Variants in CUL3 observed in about 807,000 individuals in gnomAD.
CUL3 encodes cullin-3.
A neutral mutation model predicts 89.1 loss-of-function variants in CUL3; 19 were observed. The observed-to-expected ratio is 0.21, with a 90% CI of 0.15 to 0.31. The LOEUF is 0.31. CUL3 is among the 10% of genes least tolerant of loss of function. CUL3 has a pLI of 1.00. For synonymous variants in CUL3, 351 were observed against 308.4 expected (o/e 1.14, Z -1.45); for missense variants, 469 against 942.3 (o/e 0.50, Z 6.58).
chr2:224,485,889 T>C lies in CUL3; in HGVS notation c.1843-3811A>G, dbSNP rs1467567900. Among the ~76,000 whole-genome samples the C allele has an allele frequency of 6.6e-6, 1 of 152,204 alleles. No homozygotes were observed. The highest frequency in any genetic ancestry group is 2.4e-5 in the African/African-American group (1 of 41,454). The stretch of plus-strand genomic sequence containing the variant: ...GGCTGGCATCTGGCAGGTGCCCCTC[T>C]GGGACAAAGCTTCCAGAGGAAGGAG... On this transcript the variant is annotated intron_variant, in intron 13 of 15. Coordinates refer to ENST00000264414, the MANE Select transcript of CUL3 (RefSeq NM_003590.5). This position sits in a 1 kb window ranked among gnomAD's most constrained non-coding sequence, Gnocchi z 4.1.
chr2:224,557,956 TTA>T (rs1694776157), intron 1 of CUL3, 100 bp from the exon 2 acceptor site: 2 of 665,464 alleles, frequency 3.0e-6, no homozygotes. Context: ...AAATATTGTA[TTA>T]TATAGATATG....
intron 1 of CUL3, among the ~76,000 whole-genome samples, chr2:224,566,020 A>G (rs1402001310): frequency 6.6e-6 from 1 of 152,122 alleles, no homozygotes; most frequent in African/African-American, 2.4e-5. Context: ...TCTTTTCCAT[A>G]GATTACTACT....
In CUL3 at chr2:224,483,591, T is replaced by C. The variant is rs559116578; in HGVS notation, c.1843-1513A>G. ...AGCAATGTTTTCCTATTCATCTATA[T>C]ATACACATGAATACAAGTATATGCA... On this transcript the variant is annotated intron_variant, in intron 13 of 15. Coordinates refer to ENST00000264414, the MANE Select transcript of CUL3 (RefSeq NM_003590.5). Among the ~76,000 whole-genome samples the C allele has an allele frequency of 3.9e-5, 6 of 152,224 alleles. No homozygotes were observed. The South Asian group carries it at 1.2e-3, about 32-fold the overall frequency.
chr2:224,557,567 TAA>T, intron 2 of CUL3, 90 bp downstream of exon 2: 1 of 864,030 alleles, frequency 1.2e-6, no homozygotes. Context: ...CTGGCACCTT[TAA>T]AAAGAACACT....
At chr2:224,576,512 C>T (rs1011182342) in intron 1 of CUL3, among the ~76,000 whole-genome samples, 1 of 152,134 alleles carries the variant, frequency 6.6e-6, no homozygotes, top group African/African-American at 2.4e-5. Flanking sequence ...GCATCATTTG[C>T]GCTGACTCAC....
At chr2:224,481,760 T>C in intron 14 of CUL3, 132 bp downstream of exon 14, 1 of 546,972 alleles carries the variant, frequency 1.8e-6, no homozygotes, top group Non-Finnish European at 2.9e-6. Flanking sequence ...TAAAAGCTGC[T>C]TTCTTTCTTA....
intron 1 of CUL3, among the ~76,000 whole-genome samples, chr2:224,559,371 T>C (rs1218319881): frequency 6.6e-6 from 1 of 150,784 alleles, no homozygotes; most frequent in African/African-American, 2.4e-5. Flanking sequence ...GGAGAATCAC[T>C]TGAGCCCGGA....
At position 224,584,866 on chromosome 2, in the gene CUL3, G is replaced by T. The variant is rs944791636; in HGVS notation, c.66+78C>A. On this transcript the variant is annotated intron_variant, in intron 1 of 15. Transcript: ENST00000264414. ...AGGCCGGGCCTGCGGCCTGTTGGGG[G>T]ACTTCAGCCCGGGCCTCGCGTGCGG... 2.5e-4 allele frequency: 282 copies of T among 1,133,956 alleles called. 3 individuals carry two copies. Among genetic ancestry groups the T allele is most frequent in the Middle Eastern group, 6.5e-4 (2 of 3,080 alleles). The allele number at this position is 1,133,956 out of a possible 1,614,324, so 70.2% of individuals were successfully genotyped here.
Position 224,471,979 on chromosome 2 carries a change from G to C in CUL3, c.*2266C>G, listed in dbSNP as rs528431659. ...AAAACTGAGAAAAAATAGCATCTGT[G>C]ACCTCTTGCTAAAAAGAAAGCAATG... On this transcript the variant is annotated 3_prime_UTR_variant, in exon 16 of 16. Transcript: ENST00000264414. 8.7e-6 allele frequency: 2 copies of C among 230,988 alleles called. No individual in the cohort carries two copies. Among genetic ancestry groups the C allele is most frequent in the Admixed American group, 5.6e-5 (1 of 17,710 alleles). 14.3% of individuals were successfully genotyped at this position (230,988 alleles called of 1,614,324 possible). A position where few individuals can be genotyped will look rare whatever the true frequency, so the allele number is the denominator to read the frequency against.
At chr2:224,501,950 C>T (rs977066903) in intron 10 of CUL3, among the ~76,000 whole-genome samples, 5 of 152,142 alleles carry the variant, frequency 3.3e-5, no homozygotes, top group African/African-American at 1.2e-4. Flanking sequence ...AATTCCTAAA[C>T]AATCTAAAAA....
Position 224,503,645 on chromosome 2 carries a change from A to C in CUL3, c.1377+7T>G, listed in dbSNP as rs763414682. Reference sequence around the variant, plus strand: ...GTGCACTCTATTTCATCTAAAACACACCTTACCTTTAACTTAGATATCATG... The same window carrying C: ...GTGCACTCTATTTCATCTAAAACACCCCTTACCTTTAACTTAGATATCATG... On this transcript the variant is annotated splice_region_variant and intron_variant, in intron 9 of 15. Coordinates refer to ENST00000264414, the MANE Select transcript of CUL3 (RefSeq NM_003590.5). The C allele has an allele frequency of 3.3e-5, 52 of 1,570,364 alleles. No individual in the cohort carries two copies. Among genetic ancestry groups the C allele is most frequent in the Non-Finnish European group, 4.0e-5 (47 of 1,162,106 alleles).
chr2:224,581,445 T>C (rs1436436084), intron 1 of CUL3, among the ~76,000 whole-genome samples: 2 of 151,558 alleles, frequency 1.3e-5, no homozygotes, highest in East Asian at 1.9e-4. Flanking sequence ...GTAGTAATCA[T>C]GTCAGAATGT....
rs117093297 is a variant in CUL3, at chr2:224,584,605, G to A, written c.66+339C>T. 3.7e-3 allele frequency among the ~76,000 whole-genome samples: 563 copies of A among 151,984 alleles called. 24 individuals carry two copies. In the East Asian group the frequency reaches 0.09, roughly 24 times the overall value. The stretch of plus-strand genomic sequence containing the variant: ...GGAGGACTCCGCGGCTGCTAGCAGC[G>A]CCGGAGACTGGGCCTACAACCCCGG... On this transcript the variant is annotated intron_variant, in intron 1 of 15. Coordinates refer to ENST00000264414, the MANE Select transcript of CUL3 (RefSeq NM_003590.5).
intron 1 of CUL3, among the ~76,000 whole-genome samples, chr2:224,579,701 G>T (rs1269185686): frequency 6.6e-6 from 1 of 152,170 alleles, no homozygotes; most frequent in Non-Finnish European, 1.5e-5. Context: ...TTCTCCTGAT[G>T]AGTTAGCAAG....
chr2:224,519,376 G>C (rs1403024739), intron 3 of CUL3, among the ~76,000 whole-genome samples: 1 of 152,018 alleles, frequency 6.6e-6, no homozygotes, highest in Non-Finnish European at 1.5e-5. Flanking sequence ...CAAGCATTTC[G>C]GGTAAGAGAC....
chr2:224,481,083 C>CT (rs1420616433), intron 14 of CUL3, among the ~76,000 whole-genome samples: 1 of 152,084 alleles, frequency 6.6e-6, no homozygotes, highest in Non-Finnish European at 1.5e-5. Flanking sequence ...TTTAACATTA[C>CT]TTTTAAAAAG....
chr2:224,518,683 A>G (rs1403822397), intron 3 of CUL3, among the ~76,000 whole-genome samples: 1 of 152,196 alleles, frequency 6.6e-6, no homozygotes, highest in Admixed American at 6.5e-5. Flanking sequence ...TGTGGCCCTC[A>G]GTAAAACAAA....
At chr2:224,541,596 C>G (rs1694107215) in intron 2 of CUL3, among the ~76,000 whole-genome samples, 1 of 152,176 alleles carries the variant, frequency 6.6e-6, no homozygotes, top group African/African-American at 2.4e-5. Context: ...AACTTACATT[C>G]ACACAAAAAT....
intron 13 of CUL3, among the ~76,000 whole-genome samples, chr2:224,488,453 A>C (rs1215053212): frequency 6.6e-6 from 1 of 152,216 alleles, no homozygotes; most frequent in Non-Finnish European, 1.5e-5. Flanking sequence ...GATCCCACAG[A>C]AATACAAACT....
Sources: gnomAD v4.1 joint callset for allele counts (sites outside exome capture counted in the v4.1 genomes callset) on GRCh38, gnomAD v4.1.1 for gene constraint, Gnocchi (gnomAD v3.1) non-coding constraint, MANE v1.5 for transcripts, NCBI Gene and HGNC (gene_info 2026-07-23, HGNC 2026-07-21) for gene names.